The following ACOX3 variants were observed in gnomAD, a reference collection of about 807,000 sequenced individuals.
ACOX3 encodes the protein acyl-CoA oxidase 3, pristanoyl, also known as peroxisomal acyl-coenzyme A oxidase 3.
In ACOX3, 73 loss-of-function variants were observed where a neutral mutation model predicts 81.5. That is an observed-to-expected ratio of 0.90 (90% CI 0.74 to 1.09). The LOEUF (loss-of-function observed/expected upper bound fraction) is 1.09. Ranked by LOEUF, ACOX3 falls within the 50% of genes least tolerant of loss-of-function variation. ACOX3 has a pLI of 0.00. For missense variants in ACOX3, 947 were observed against 928.0 expected, an observed-to-expected ratio of 1.02 and a Z score of -0.27; for synonymous variants, 387 against 375.1, an observed-to-expected ratio of 1.03 and a Z score of -0.37.
chr4:8,365,365 G>T (rs547063092), downstream of ACOX3, among the ~76,000 whole-genome samples: 1 of 152,258 alleles, frequency 6.6e-6, no homozygotes, highest in Non-Finnish European at 1.5e-5. Flanking sequence ...CGAAGAGTTT[G>T]TTTAAACCCA....
chr4:8,389,292 A>G lies in ACOX3; in HGVS notation c.1424-6T>C. ...ACTGCGGAAGCAAGCTCCATCTAGG[A>G]CACACATTCCAGTGACTTTGGTGGA... On this transcript the variant is annotated splice_polypyrimidine_tract_variant and splice_region_variant and intron_variant, in intron 12 of 17. Transcript: ENST00000356406. The surrounding 1 kb of genome is among the most constrained non-coding windows in gnomAD (Gnocchi z 5.3). 1.2e-6 allele frequency: 2 copies of G among 1,610,342 alleles called. No individual in the cohort carries two copies. The highest frequency in any genetic ancestry group is 2.2e-5 in the South Asian group (2 of 90,492).
At chr4:8,369,576 C>T (rs2108781544) in intron 17 of ACOX3, among the ~76,000 whole-genome samples, 1 of 152,324 alleles carries the variant, frequency 6.6e-6, no homozygotes, top group African/African-American at 2.4e-5. Context: ...CTACGGGGAA[C>T]TCTCACCTCC....
intron 5 of ACOX3, among the ~76,000 whole-genome samples, chr4:8,411,061 C>T (rs1721666671): frequency 6.6e-6 from 1 of 152,194 alleles, no homozygotes; most frequent in African/African-American, 2.4e-5. Flanking sequence ...TGGGCCTGCC[C>T]CAGGGGCGTC....
the ACOX3 span, chr4:8,357,968 C>G: frequency 6.5e-6 from 1 of 153,834 alleles, no homozygotes; most frequent in Non-Finnish European, 1.4e-5. Context: ...TCGGGATGCC[C>G]CATTATACCT....
chr4:8,411,909 C>A (rs891492920), intron 5 of ACOX3, among the ~76,000 whole-genome samples: 2 of 152,272 alleles, frequency 1.3e-5, no homozygotes, highest in Non-Finnish European at 2.9e-5. Flanking sequence ...AATGCTCAGC[C>A]AGCAGCCCAG....
chr4:8,396,943 T>G lies in ACOX3; in HGVS notation c.1050A>C (p.Pro350=), dbSNP rs778370362. 5.0e-6 allele frequency: 8 copies of G among 1,610,712 alleles called. No individual in the cohort carries two copies. Among genetic ancestry groups the G allele is most frequent in the Non-Finnish European group, 5.9e-6 (7 of 1,178,934 alleles). ...ATGCTTGAAAACCTCATACCTGCATTGGATACTCAAGCACTGGTATTTCCT... is the reference window on the plus strand; with the variant it reads ...ATGCTTGAAAACCTCATACCTGCATGGGATACTCAAGCACTGGTATTTCCT... ...EEEEIPVLEY[P]MQQWRLLPYL... Residue 350 remains proline, a synonymous_variant, in exon 9 of 18, where the codon CCA becomes CCC. Transcript: ENST00000356406.
the ACOX3 span, chr4:8,355,546 C>T: frequency 6.6e-6 from 1 of 152,202 alleles, no homozygotes; most frequent in Non-Finnish European, 1.5e-5. Context: ...GAAATACATT[C>T]CTGGTCAATT....
rs530951268 is a variant in ACOX3 at position 8,414,956 on chromosome 4, AG to A, written c.379-29del. The A allele has an allele frequency of 5.5e-4, 890 of 1,608,162 alleles. 14 individuals carry two copies. The South Asian group carries it at 9.2e-3, about 17-fold the overall frequency. On this transcript the variant is annotated intron_variant, in intron 3 of 17. Coordinates refer to ENST00000356406, the MANE Select transcript of ACOX3 (RefSeq NM_003501.3). The surrounding 1 kb of genome is among the most constrained non-coding windows in gnomAD (Gnocchi z 6.1). ...GAAAGTATAACATCGTCCTATCAAC[AG>A]GGGGCAGGTAAGAAGAGTACTGCTC...
intron 7 of ACOX3, among the ~76,000 whole-genome samples, chr4:8,402,720 G>C (rs1356166625): frequency 1.3e-5 from 2 of 152,228 alleles, no homozygotes; most frequent in Non-Finnish European, 2.9e-5. Flanking sequence ...ACGTGTGCGT[G>C]TGTCACAGGT....
chr4:8,388,352 T>G (rs908830286), intron 13 of ACOX3, among the ~76,000 whole-genome samples: 2 of 152,256 alleles, frequency 1.3e-5, no homozygotes, highest in African/African-American at 4.8e-5. Context: ...TTCTCCATCA[T>G]GCTGGCCGCC....
In ACOX3 at chr4:8,379,128, G is replaced by C. The variant is rs561661018; in HGVS notation, c.1653+2364C>G. Among the ~76,000 whole-genome samples, 16 of 152,352 alleles carry C rather than the reference G, an allele frequency of 1.1e-4. No individual in the cohort carries two copies. The South Asian group carries it at 3.1e-3, about 30-fold the overall frequency. ...TGTGTGTCTTCCGATTTTGTTTAGA[G>C]CGTCTTTTGCAATGCAGAAATGCTG... On this transcript the variant is annotated intron_variant, in intron 14 of 17. Coordinates refer to ENST00000356406, the MANE Select transcript of ACOX3 (RefSeq NM_003501.3).
At position 8,416,517 on chromosome 4, in the gene ACOX3, G is replaced by A. The variant is rs1170985877; in HGVS notation, c.5C>T (p.Ala2Val). 6.2e-7 allele frequency: 1 copy of A among 1,604,460 alleles called. No homozygotes were observed. Among genetic ancestry groups the A allele is most frequent in the East Asian group, 2.2e-5 (1 of 44,712 alleles). M[A>V]STVEGGDTAL... ...TGTGTCGCCTCCTTCCACAGTGGAT[G>A]CCATCGCGTGATAAGAGCCTGCACA... Residue 2 changes from alanine (A) to valine (V), a missense_variant, in exon 2 of 18, where the codon GCA becomes GTA. Transcript: ENST00000356406. This position sits in a 1 kb window ranked among gnomAD's most constrained non-coding sequence, Gnocchi z 4.2.
At chr4:8,439,927 AAGTT>A (rs1047440648) in intron 1 of ACOX3, among the ~76,000 whole-genome samples, 7 of 132,110 alleles carry the variant, frequency 5.3e-5, no homozygotes, top group Admixed American at 1.5e-4. Flanking sequence ...AGAAAGCAAA[AAGTT>A]AGAAAGAAAC....
Position 8,399,792 on chromosome 4 carries a change from C to A in ACOX3, c.777-140G>T. On this transcript the variant is annotated intron_variant, in intron 7 of 17. Coordinates refer to ENST00000356406, the MANE Select transcript of ACOX3 (RefSeq NM_003501.3). This position sits in a 1 kb window ranked among gnomAD's most constrained non-coding sequence, Gnocchi z 4.9. ...GGGCAAGTAGACAGGAACATTCAAC[C>A]AACTTTCTATTCAAAAAAGTAGTCT... The A allele has an allele frequency of 1.4e-6, 1 of 704,160 alleles. No homozygotes were observed. Among genetic ancestry groups the A allele is most frequent in the Non-Finnish European group, 2.4e-6 (1 of 415,808 alleles). The allele number at this position is 704,160 out of a possible 1,614,324, so 43.6% of individuals were successfully genotyped here.
In ACOX3 at chr4:8,392,316, G is replaced by T. The variant is rs763341327; in HGVS notation, c.1300+17C>A. ...GGCTAAGGACAGGAAACCACCATGC[G>T]CTTCTCCAAAACCTACTGGCCAGAT... On this transcript the variant is annotated intron_variant, in intron 11 of 17. Coordinates refer to ENST00000356406, the MANE Select transcript of ACOX3 (RefSeq NM_003501.3). 12 of 1,531,786 alleles carry T rather than the reference G, an allele frequency of 7.8e-6. 1 individual carries two copies. In the South Asian group the frequency reaches 1.3e-4, roughly 16 times the overall value. The allele number at this position is 1,531,786 out of a possible 1,614,324, so 94.9% of individuals were successfully genotyped here. A position where few individuals can be genotyped will look rare whatever the true frequency, so the allele number is the denominator to read the frequency against.
rs777000501 is a variant in ACOX3 at position 8,366,977 on chromosome 4, A to AG, written c.2086dup (p.Leu696ProfsTer49). ...CCAGTCCCACTAGAGCTTCGATTTC[A>AG]GACTTCCTATGACAGGTTTGTTCAC... On this transcript the variant is annotated frameshift_variant, in exon 18 of 18. Coordinates refer to ENST00000356406, the MANE Select transcript of ACOX3 (RefSeq NM_003501.3). LOFTEE classifies it high-confidence loss of function. 6.2e-7 allele frequency: 1 copy of AG among 1,614,022 alleles called. No homozygotes were observed. The highest frequency in any genetic ancestry group is 1.7e-5 in the Admixed American group (1 of 60,024).
chr4:8,406,656 C>T lies in ACOX3; in HGVS notation c.688-613G>A, dbSNP rs1311625990. Among the ~76,000 whole-genome samples, 4 of 152,194 alleles carry T rather than the reference C, an allele frequency of 2.6e-5. No individual in the cohort carries two copies. The highest frequency in any genetic ancestry group is 4.1e-4 in the South Asian group (2 of 4,824). ...GGTAAGACCACATGGGTCACATGTC[C>T]ACTGGACAGGGGGCCCTTCCCTGCC... On this transcript the variant is annotated intron_variant, in intron 6 of 17. Transcript: ENST00000356406. The surrounding 1 kb of genome is among the most constrained non-coding windows in gnomAD (Gnocchi z 5.6).
intron 1 of ACOX3, among the ~76,000 whole-genome samples, chr4:8,428,086 T>C (rs1051335726): frequency 2.0e-5 from 3 of 152,244 alleles, no homozygotes; most frequent in Admixed American, 2.0e-4. Context: ...TTCTCTGCGA[T>C]GTGAATCACT....
downstream of ACOX3, among the ~76,000 whole-genome samples, chr4:8,363,497 C>T (rs1310708218): frequency 6.6e-6 from 1 of 152,084 alleles, no homozygotes; most frequent in Non-Finnish European, 1.5e-5. Context: ...CCCTATTCAC[C>T]CTGAAGAAGT....
Sources: gnomAD v4.1 joint callset for allele counts (sites outside exome capture counted in the v4.1 genomes callset) on GRCh38, gnomAD v4.1.1 for gene constraint, Gnocchi (gnomAD v3.1) non-coding constraint, MANE v1.5 for transcripts, NCBI Gene and HGNC (gene_info 2026-07-23, HGNC 2026-07-21) for gene names.